Variants in FBXL17 observed in about 807,000 individuals in gnomAD.
FBXL17 encodes F-box and leucine rich repeat protein 17, also known as F-box/LRR-repeat protein 17.
Under a neutral mutation model 66.2 loss-of-function variants are expected in FBXL17, and 22 were observed. The ratio of observed to expected loss-of-function variants is 0.33; its 90% CI spans 0.24 to 0.47. The LOEUF is 0.47. Ranked by LOEUF, FBXL17 falls within the 20% of genes least tolerant of loss-of-function variation. FBXL17 has a pLI of 1.00. For synonymous variants in FBXL17, 474 were observed against 400.5 expected (o/e 1.18, Z -2.19); for missense variants, 878 against 948.2 (o/e 0.93, Z 0.97).
intron 6 of FBXL17, 132 bp downstream of exon 6, chr5:108,185,985 A>G: frequency 1.4e-6 from 1 of 722,610 alleles, no homozygotes; most frequent in Non-Finnish European, 2.2e-6. Context: ...ATGGTTTTCA[A>G]AACTTAAACA....
chr5:108,164,056 A>C (rs1241998958), intron 6 of FBXL17, among the ~76,000 whole-genome samples: 1 of 152,248 alleles, frequency 6.6e-6, no homozygotes, highest in Non-Finnish European at 1.5e-5. Flanking sequence ...CCTCTAAATC[A>C]AACTATAAAA....
intron 4 of FBXL17, among the ~76,000 whole-genome samples, chr5:108,327,133 A>G (rs1407912032): frequency 2.0e-5 from 3 of 152,158 alleles, no homozygotes; most frequent in African/African-American, 2.4e-5. Context: ...ATGGAATGCT[A>G]TTCAGCAATA....
intron 5 of FBXL17, among the ~76,000 whole-genome samples, chr5:108,201,684 C>T (rs1180665522): frequency 6.6e-6 from 1 of 151,562 alleles, no homozygotes; most frequent in African/African-American, 2.4e-5. Context: ...CATTAAGCTC[C>T]AAACCTGGTT....
intron 7 of FBXL17, among the ~76,000 whole-genome samples, chr5:107,973,481 T>A (rs1001016644): frequency 2.0e-5 from 3 of 151,870 alleles, no homozygotes; most frequent in Non-Finnish European, 4.4e-5. Context: ...ACACCCCATT[T>A]TTAGAGTGTG....
At chr5:108,248,391 A>G (rs1048536523) in intron 4 of FBXL17, among the ~76,000 whole-genome samples, 1 of 152,174 alleles carries the variant, frequency 6.6e-6, no homozygotes, top group African/African-American at 2.4e-5. Flanking sequence ...GATAGAATAA[A>G]AAGTACCCAA....
intron 6 of FBXL17, among the ~76,000 whole-genome samples, chr5:108,143,107 C>T (rs1391460849): frequency 1.3e-5 from 2 of 151,888 alleles, no homozygotes; most frequent in East Asian, 1.9e-4. Flanking sequence ...TAAGGTGAAA[C>T]GGTTCCATTC....
At chr5:107,990,613 A>G (rs1330226622) in intron 7 of FBXL17, among the ~76,000 whole-genome samples, 1 of 152,202 alleles carries the variant, frequency 6.6e-6, no homozygotes, top group Admixed American at 6.5e-5. Context: ...GAGCTGTGAT[A>G]CTTGATTAAG....
intron 6 of FBXL17, among the ~76,000 whole-genome samples, chr5:108,103,578 C>CA (rs888506191): frequency 2.0e-4 from 25 of 123,616 alleles, no homozygotes; most frequent in Non-Finnish European, 2.7e-4. Flanking sequence ...ATATGTCAAA[C>CA]AAAAAAAAAG....
chr5:108,269,943 T>C (rs1757198755), intron 4 of FBXL17, among the ~76,000 whole-genome samples: 2 of 152,088 alleles, frequency 1.3e-5, no homozygotes, highest in African/African-American at 4.8e-5. Flanking sequence ...AATATCAAGG[T>C]ACAGGAATGT....
At chr5:108,135,067 T>C (rs1159155484) in intron 6 of FBXL17, among the ~76,000 whole-genome samples, 5 of 152,138 alleles carry the variant, frequency 3.3e-5, no homozygotes, top group African/African-American at 1.2e-4. Flanking sequence ...TAGCAATATA[T>C]GTAGTGGTAG....
intron 6 of FBXL17, among the ~76,000 whole-genome samples, chr5:108,105,997 G>A (rs1749780907): frequency 6.6e-6 from 1 of 152,106 alleles, no homozygotes; most frequent in African/African-American, 2.4e-5. Context: ...GAAAGCAAGG[G>A]TTAATCCTAT....
At chr5:108,051,745 G>C (rs572117330) in intron 6 of FBXL17, among the ~76,000 whole-genome samples, 1 of 152,074 alleles carries the variant, frequency 6.6e-6, no homozygotes, top group African/African-American at 2.4e-5. Flanking sequence ...GGGAGGCTGA[G>C]GTGGGCAAAT....
intron 6 of FBXL17, among the ~76,000 whole-genome samples, chr5:108,154,367 G>T: frequency 6.6e-6 from 1 of 150,648 alleles, no homozygotes; most frequent in African/African-American, 2.4e-5. Flanking sequence ...GCCGAGGCAG[G>T]CGGATCACCT....
At chr5:108,373,192 C>A (rs1273159347) in intron 1 of FBXL17, among the ~76,000 whole-genome samples, 1 of 125,072 alleles carries the variant, frequency 8.0e-6, no homozygotes, top group Non-Finnish European at 1.7e-5. Flanking sequence ...TCTCACATTA[C>A]ATAAATATAA....
At position 108,154,678 on chromosome 5, in the gene FBXL17, T is replaced by TAC. The variant is rs1561437328; in HGVS notation, c.1745+31438_1745+31439insGT. Among the ~76,000 whole-genome samples, 104 of 143,220 alleles carry TAC rather than the reference T, an allele frequency of 7.3e-4. 1 individual carries two copies. Among genetic ancestry groups the TAC allele is most frequent in the Middle Eastern group, 3.6e-3 (1 of 276 alleles). 94.0% of individuals were successfully genotyped at this position (143,220 alleles called of 152,430 possible). ...ATGTATATACATATATATGTGTATA[T>TAC]ATATACACATATATATGTATATACA... is the stretch of plus-strand genomic sequence containing the variant. On this transcript the variant is annotated intron_variant, in intron 6 of 8. Coordinates refer to ENST00000542267, the MANE Select transcript of FBXL17 (RefSeq NM_001163315.3).
chr5:108,298,566 G>A, intron 4 of FBXL17: 22 of 959,192 alleles, frequency 2.3e-5, no homozygotes, highest in Non-Finnish European at 2.7e-5. Context: ...TTCAGTCTGA[G>A]AGATGGGAAA....
intron 7 of FBXL17, among the ~76,000 whole-genome samples, chr5:107,951,474 A>G (rs1751495398): frequency 6.6e-6 from 1 of 152,220 alleles, no homozygotes; most frequent in African/African-American, 2.4e-5. Flanking sequence ...GGGGAAGCAC[A>G]TACTCTGGCA....
chr5:108,159,157 A>C (rs945780570), intron 6 of FBXL17, among the ~76,000 whole-genome samples: 2 of 152,310 alleles, frequency 1.3e-5, no homozygotes, highest in Admixed American at 1.3e-4. Flanking sequence ...TAAACAGAGA[A>C]ATCTACAACT....
intron 4 of FBXL17, among the ~76,000 whole-genome samples, chr5:108,340,998 C>A (rs1390787291): frequency 2.0e-5 from 3 of 152,074 alleles, no homozygotes; most frequent in Non-Finnish European, 4.4e-5. Context: ...ATTGTATATA[C>A]TTCTCATATA....
Sources: gnomAD v4.1 joint callset for allele counts (sites outside exome capture counted in the v4.1 genomes callset) on GRCh38, gnomAD v4.1.1 for gene constraint, MANE v1.5 for transcripts, NCBI Gene and HGNC (gene_info 2026-07-23, HGNC 2026-07-21) for gene names.